SMARCC1: variants seen among roughly 807,000 people sequenced by gnomAD.
SMARCC1 encodes SWI/SNF complex subunit SMARCC1.
In SMARCC1, 43 loss-of-function variants were observed where a neutral mutation model predicts 147.4. The observed-to-expected ratio is 0.29, with a 90% CI of 0.23 to 0.38. SMARCC1 has a LOEUF of 0.38. SMARCC1 is among the 10% of genes least tolerant of loss of function. SMARCC1 has a pLI of 1.00. For missense variants in SMARCC1, 1,119 were observed against 1,381.1 expected, an observed-to-expected ratio of 0.81 and a Z score of 3.01; for synonymous variants, 495 against 484.4, an observed-to-expected ratio of 1.02 and a Z score of -0.29.
chr3:47,664,178 T>TAAA (rs869131579), intron 19 of SMARCC1, among the ~76,000 whole-genome samples: 1 of 98,974 alleles, frequency 1.0e-5, no homozygotes. Flanking sequence ...TAATAAACTC[T>TAAA]AAAAAAAAAA....
At chr3:47,759,017 C>CA (rs144154276) in intron 2 of SMARCC1, among the ~76,000 whole-genome samples, 88,346 of 146,542 alleles carry the variant, frequency 0.6, 27,468 homozygotes, top group East Asian at 0.72. Flanking sequence ...AACTCTGACC[C>CA]AAAAAAAAAA....
chr3:47,732,588 C>T (rs56376646), intron 5 of SMARCC1, among the ~76,000 whole-genome samples: 39,594 of 151,902 alleles, frequency 0.26, 5,745 homozygotes, highest in South Asian at 0.42. Flanking sequence ...CAGCTAGAGG[C>T]CATTGTAGGG....
At chr3:47,763,621 G>A (rs1042136045) in intron 2 of SMARCC1, among the ~76,000 whole-genome samples, 2 of 151,544 alleles carry the variant, frequency 1.3e-5, no homozygotes, top group African/African-American at 4.8e-5. Flanking sequence ...ATAGGCATGA[G>A]CCACAGTGCC....
chr3:47,736,921 T>C (rs2034450914), intron 4 of SMARCC1, among the ~76,000 whole-genome samples: 1 of 152,090 alleles, frequency 6.6e-6, no homozygotes, highest in Non-Finnish European at 1.5e-5. Context: ...GTGATCACCA[T>C]AAATTATCAA....
At chr3:47,711,958 C>T (rs1202450989) in intron 8 of SMARCC1, among the ~76,000 whole-genome samples, 1 of 152,164 alleles carries the variant, frequency 6.6e-6, no homozygotes, top group Admixed American at 6.6e-5. Context: ...ATAGGCCGGG[C>T]GTGGTGGTTC....
chr3:47,611,430 T>C (rs150204475), intron 25 of SMARCC1, among the ~76,000 whole-genome samples: 143 of 152,356 alleles, frequency 9.4e-4, no homozygotes, highest in African/African-American at 3.3e-3. Flanking sequence ...ATTGTTCATA[T>C]AAATTACATA....
chr3:47,710,304 C>A (rs1411416662), intron 9 of SMARCC1, among the ~76,000 whole-genome samples: 1 of 152,048 alleles, frequency 6.6e-6, no homozygotes, highest in Non-Finnish European at 1.5e-5. Context: ...GGCTACAGAG[C>A]AAGACTCTGT....
chr3:47,642,923 G>T (rs1423877527), intron 21 of SMARCC1, among the ~76,000 whole-genome samples: 2 of 152,162 alleles, frequency 1.3e-5, no homozygotes, highest in Admixed American at 1.3e-4. Context: ...AGCCATGCAT[G>T]ATGGTGCACG....
At chr3:47,699,351 T>C (rs2033890623) in intron 11 of SMARCC1, among the ~76,000 whole-genome samples, 1 of 152,142 alleles carries the variant, frequency 6.6e-6, no homozygotes, top group African/African-American at 2.4e-5. Context: ...CTTTAATCCC[T>C]CCATCTGGAG....
rs938552163 is a variant in SMARCC1, at chr3:47,673,159, C to T, written c.1839+2316G>A. On this transcript the variant is annotated intron_variant, in intron 18 of 27. Transcript: ENST00000254480. The stretch of plus-strand genomic sequence containing the variant: ...TAGCACTCTGGAAGGTAAAAAAGGT[C>T]GATCACTGGAGCTCAGGAGTTCAAG... 2.5e-4 allele frequency among the ~76,000 whole-genome samples: 38 copies of T among 151,656 alleles called. No homozygotes were observed. The Middle Eastern group carries it at 0.01, about 41-fold the overall frequency.
chr3:47,656,616 G>A (rs1395607117), intron 21 of SMARCC1, among the ~76,000 whole-genome samples: 9 of 151,976 alleles, frequency 5.9e-5, no homozygotes, highest in East Asian at 1.9e-4. Flanking sequence ...AAAGTAAATC[G>A]ATGTAAACAG....
chr3:47,635,312 T>C lies in SMARCC1; in HGVS notation c.2524A>G (p.Thr842Ala), dbSNP rs200974510. ...EKETEENKEL[T>A]DTCKERESDT... Reference sequence around the variant, plus strand: ...CTTTCTCTTTCTTTACATGTATCAGTGAGTTCTTTGTTCTCTTCAGTCTCC... The same window carrying C: ...CTTTCTCTTTCTTTACATGTATCAGCGAGTTCTTTGTTCTCTTCAGTCTCC... Residue 842 changes from threonine to alanine, a missense_variant, in exon 24 of 28, where the codon ACT (threonine) becomes GCT (alanine). Around this residue, in one of 6 missense-constraint regions of SMARCC1, gnomAD observed 157 missense variants for 158.6 expected, o/e 0.99. Transcript: ENST00000254480. 3.7e-6 allele frequency: 6 copies of C among 1,612,810 alleles called. No homozygotes were observed. The highest frequency in any genetic ancestry group is 4.2e-6 in the Non-Finnish European group (5 of 1,179,674).
chr3:47,662,710 G>A (rs1186747936), intron 19 of SMARCC1, 118 bp from the exon 20 acceptor site: 1 of 780,236 alleles, frequency 1.3e-6, no homozygotes, highest in African/African-American at 1.8e-5. Context: ...TGCATAAATA[G>A]AAAGATTTGA....
At chr3:47,706,591 C>T (rs2033998092) in intron 9 of SMARCC1, 61 bp from the exon 10 acceptor site, 1 of 1,441,328 alleles carries the variant, frequency 6.9e-7, no homozygotes, top group African/African-American at 1.5e-5. Flanking sequence ...TCTACAAATC[C>T]TTGGCAAAAG....
intron 26 of SMARCC1, among the ~76,000 whole-genome samples, chr3:47,600,945 T>C (rs2032371486): frequency 1.5e-5 from 2 of 132,612 alleles, no homozygotes; most frequent in Admixed American, 1.6e-4. Flanking sequence ...GTCTTTTCCA[T>C]TAAAAAAAAA....
chr3:47,732,735 T>C (rs2034390191), intron 5 of SMARCC1, among the ~76,000 whole-genome samples: 1 of 152,202 alleles, frequency 6.6e-6, no homozygotes, highest in Non-Finnish European at 1.5e-5. Flanking sequence ...CACCATCTTC[T>C]ATGGGTGTTG....
chr3:47,663,697 T>C (rs1049674677), intron 19 of SMARCC1: 3 of 1,490,530 alleles, frequency 2.0e-6, no homozygotes. Flanking sequence ...GCCCCACTGT[T>C]TACAGGAATC....
At chr3:47,726,061 C>CAAAAAAAAAAAA (rs546659321) in intron 6 of SMARCC1, among the ~76,000 whole-genome samples, 7,664 of 50,424 alleles carry the variant, frequency 0.15, 1,720 homozygotes, top group African/African-American at 0.21. Context: ...GACTCTGTCT[C>CAAAAAAAAAAAA]AAAAAAAAAA....
Position 47,670,715 on chromosome 3 carries a change from A to G in SMARCC1, c.1842T>C (p.Ser614=). 1 of 1,574,376 alleles carries G rather than the reference A, an allele frequency of 6.4e-7. No individual in the cohort carries two copies. Among genetic ancestry groups the G allele is most frequent in the South Asian group, 1.1e-5 (1 of 90,404 alleles). Reference sequence around the variant, plus strand: ...ATTCTCTTCCAGCACTAGCACCTTTACTCTAAGGAAACAAAATCAGAAATT... The same window carrying G: ...ATTCTCTTCCAGCACTAGCACCTTTGCTCTAAGGAAACAAAATCAGAAATT... The part of the protein sequence containing the change: ...DIYSKKTLAK[S]KGASAGREWT... The change falls in exon 19 of 28, where the codon AGT becomes AGC. Residue 614 remains serine (S), a splice_region_variant and synonymous_variant. Transcript: ENST00000254480.
Sources: allele counts gnomAD v4.1 joint callset (sites outside exome capture counted in the v4.1 genomes callset), GRCh38; gene constraint gnomAD v4.1.1; regional missense constraint gnomAD v4.1.1; transcripts MANE v1.5; gene names NCBI Gene and HGNC (gene_info 2026-07-23, HGNC 2026-07-21).